Variants in RFTN1 observed in about 807,000 individuals in gnomAD.
The protein encoded by RFTN1 is raftlin.
RFTN1 carries 26 observed loss-of-function variants against 46.5 expected under a neutral mutation model. That is an observed-to-expected ratio of 0.56 (90% confidence interval 0.41 to 0.78). The LOEUF (loss-of-function observed/expected upper bound fraction) is 0.78. RFTN1 is among the 30% of genes least tolerant of loss of function. RFTN1 has a pLI of 0.00. For synonymous variants in RFTN1, 261 were observed against 284.2 expected, an observed-to-expected ratio of 0.92 and a Z score of 0.82; for missense variants, 693 against 718.7, an observed-to-expected ratio of 0.96 and a Z score of 0.41.
intron 1 of RFTN1, among the ~76,000 whole-genome samples, chr3:16,497,362 A>G (rs531732119): frequency 6.6e-6 from 1 of 152,362 alleles, no homozygotes; most frequent in African/African-American, 2.4e-5. Flanking sequence ...AGCAATATTT[A>G]CAGTAGGCAT....
intron 1 of RFTN1, among the ~76,000 whole-genome samples, chr3:16,497,406 C>T (rs1002492108): frequency 5.9e-5 from 9 of 152,226 alleles, no homozygotes; most frequent in African/African-American, 1.7e-4. Context: ...AATAAAGCCA[C>T]TGTGTATACA....
intron 7 of RFTN1, among the ~76,000 whole-genome samples, chr3:16,355,569 C>T (rs770405007): frequency 6.6e-6 from 1 of 152,254 alleles, no homozygotes; most frequent in Non-Finnish European, 1.5e-5. Flanking sequence ...TTTGCAGCCT[C>T]ATCACTCCTG....
intron 4 of RFTN1, among the ~76,000 whole-genome samples, chr3:16,398,550 G>A (rs1444361226): frequency 6.6e-6 from 1 of 152,148 alleles, no homozygotes; most frequent in African/African-American, 2.4e-5. Flanking sequence ...TCTACCTTGG[G>A]ACCCATCTCA....
At chr3:16,419,233 G>A (rs2075141670) in intron 3 of RFTN1, among the ~76,000 whole-genome samples, 1 of 152,152 alleles carries the variant, frequency 6.6e-6, no homozygotes, top group African/African-American at 2.4e-5. Flanking sequence ...CTGTTAGAAC[G>A]AGTCTGTGAC....
At chr3:16,431,551 T>C (rs982511270) in intron 3 of RFTN1, among the ~76,000 whole-genome samples, 2 of 151,466 alleles carry the variant, frequency 1.3e-5, no homozygotes, top group African/African-American at 4.9e-5. Context: ...TCAGGCCAAG[T>C]CCTGAGCTCA....
Position 16,385,131 on chromosome 3 carries a change from T to G in RFTN1, c.442-7029A>C, listed in dbSNP as rs1334719516. On this transcript the variant is annotated intron_variant, in intron 4 of 9. Coordinates refer to ENST00000334133, the MANE Select transcript of RFTN1 (RefSeq NM_015150.2). The surrounding 1 kb of genome is among the most constrained non-coding windows in gnomAD (Gnocchi z 5.0). ...GGGAGCCCACAGCAGAGGCATGCCC[T>G]AGGTGTCAAGAACAGGTACAAAAAT... Among the ~76,000 whole-genome samples the G allele has an allele frequency of 6.6e-6, 1 of 152,200 alleles. No individual in the cohort carries two copies. Among genetic ancestry groups the G allele is most frequent in the African/African-American group, 2.4e-5 (1 of 41,464 alleles).
chr3:16,396,989 G>A (rs1440620310), intron 4 of RFTN1, among the ~76,000 whole-genome samples: 2 of 151,776 alleles, frequency 1.3e-5, no homozygotes, highest in Non-Finnish European at 2.9e-5. Flanking sequence ...CTTGAACCTG[G>A]GAGGCAGAGG....
chr3:16,490,336 C>T (rs1415176135), intron 2 of RFTN1, among the ~76,000 whole-genome samples: 1 of 152,088 alleles, frequency 6.6e-6, no homozygotes, highest in Non-Finnish European at 1.5e-5. Flanking sequence ...TCCTAGCAAG[C>T]AGTAAGAGGT....
Position 16,503,143 on chromosome 3 carries a change from T to C in RFTN1, c.-8-9266A>G, listed in dbSNP as rs953949442. Among the ~76,000 whole-genome samples the C allele has an allele frequency of 2.0e-5, 3 of 152,292 alleles. No homozygotes were observed. In the South Asian group the frequency reaches 6.2e-4, roughly 32 times the overall value. ...ATCTCAGTCTGTCTCAGGAGGGGTC[T>C]GAACCTGAGTCCATCTCTGCTCTGC... On this transcript the variant is annotated intron_variant, in intron 1 of 9. Coordinates refer to ENST00000334133, the MANE Select transcript of RFTN1 (RefSeq NM_015150.2).
intron 3 of RFTN1, among the ~76,000 whole-genome samples, chr3:16,432,684 A>AG (rs1000185404): frequency 3.9e-5 from 6 of 152,018 alleles, no homozygotes; most frequent in African/African-American, 1.4e-4. Context: ...AGAAAAAAAA[A>AG]AGAGAGAGAG....
At position 16,410,312 on chromosome 3, in the gene RFTN1, C is replaced by A. The variant is rs2074959391; in HGVS notation, c.333-829G>T. On this transcript the variant is annotated intron_variant, in intron 3 of 9. Transcript: ENST00000334133. This position sits in a 1 kb window ranked among gnomAD's most constrained non-coding sequence, Gnocchi z 4.6. ...CCATTGGTTTATATCCGCCAGGGCA[C>A]AGAAAAAGAACAAGCAAGACATACA... 6.6e-6 allele frequency among the ~76,000 whole-genome samples: 1 copy of A among 151,270 alleles called. No homozygotes were observed. Among genetic ancestry groups the A allele is most frequent in the Non-Finnish European group, 1.5e-5 (1 of 67,914 alleles).
rs2075945428 is a variant in RFTN1 at position 16,458,149 on chromosome 3, A to G, written c.146-24112T>C. Reference sequence around the variant, plus strand: ...ACCCAGTCTTGGGTATTTCGTTTCAACAACACAAAATAGACTAAGACAGAC... The same window carrying G: ...ACCCAGTCTTGGGTATTTCGTTTCAGCAACACAAAATAGACTAAGACAGAC... On this transcript the variant is annotated intron_variant, in intron 2 of 9. Transcript: ENST00000334133. This position sits in a 1 kb window ranked among gnomAD's most constrained non-coding sequence, Gnocchi z 5.1. Among the ~76,000 whole-genome samples, 1 of 152,206 alleles carries G rather than the reference A, an allele frequency of 6.6e-6. No homozygotes were observed. The highest frequency in any genetic ancestry group is 2.1e-4 in the South Asian group (1 of 4,824).
intron 2 of RFTN1, among the ~76,000 whole-genome samples, chr3:16,485,897 A>C (rs1158163118): frequency 2.0e-5 from 3 of 152,230 alleles, no homozygotes; most frequent in Non-Finnish European, 4.4e-5. Context: ...GAAACACTGG[A>C]TTCTGGGCCC....
Position 16,437,775 on chromosome 3 carries a change from T to A in RFTN1, c.146-3738A>T, listed in dbSNP as rs556334481. ...GTCTTTATTTATTATAAATGTTGCC[T>A]CACTCCCCTCACCCTAATCCTGGCC... On this transcript the variant is annotated intron_variant, in intron 2 of 9. Transcript: ENST00000334133. Among the ~76,000 whole-genome samples the A allele has an allele frequency of 5.3e-5, 8 of 152,284 alleles. No individual in the cohort carries two copies. In the South Asian group the frequency reaches 1.7e-3, roughly 32 times the overall value.
At chr3:16,368,803 A>G (rs907816560) in intron 6 of RFTN1, among the ~76,000 whole-genome samples, 6 of 152,270 alleles carry the variant, frequency 3.9e-5, no homozygotes, top group African/African-American at 7.2e-5. Context: ...TTAAAATTCA[A>G]TTATTCAGAT....
At chr3:16,431,352 C>T (rs759407737) in intron 3 of RFTN1, among the ~76,000 whole-genome samples, 5 of 152,200 alleles carry the variant, frequency 3.3e-5, no homozygotes, top group Non-Finnish European at 7.4e-5. Flanking sequence ...CACGGACCAT[C>T]AGCATCTGCC....
At chr3:16,462,751 A>C (rs2076027194) in intron 2 of RFTN1, among the ~76,000 whole-genome samples, 1 of 152,242 alleles carries the variant, frequency 6.6e-6, no homozygotes, top group Non-Finnish European at 1.5e-5. Context: ...ATGTGTGGTA[A>C]TTTGTCATAG....
At chr3:16,388,063 C>T (rs577112003) in intron 4 of RFTN1, among the ~76,000 whole-genome samples, 1 of 152,324 alleles carries the variant, frequency 6.6e-6, no homozygotes, top group East Asian at 1.9e-4. Context: ...CAACCCTTGC[C>T]CTGCCCCTGA....
Position 16,370,215 on chromosome 3 carries a change from AG to A in RFTN1, c.890del (p.Pro297LeufsTer15). ...TGGAGACATGGAGAGGAATGGTGAC[AG>A]GGTAGTATTGCCGGCACTTCTGATG... is the stretch of plus-strand genomic sequence containing the variant. ...KSHQKCRQYY[P>X]VTIPLHVSKN... is the part of the protein sequence containing the mutation. On this transcript the variant is annotated frameshift_variant, in exon 6 of 10. Coordinates refer to ENST00000334133, the MANE Select transcript of RFTN1 (RefSeq NM_015150.2). LOFTEE classifies it high-confidence loss of function. This position sits in a 1 kb window ranked among gnomAD's most constrained non-coding sequence, Gnocchi z 5.5. 1 of 1,614,238 alleles carries A rather than the reference AG, an allele frequency of 6.2e-7. No individual in the cohort carries two copies. The highest frequency in any genetic ancestry group is 1.1e-5 in the South Asian group (1 of 91,084).
Sources: gnomAD v4.1 joint callset for allele counts (sites outside exome capture counted in the v4.1 genomes callset) on GRCh38, gnomAD v4.1.1 for gene constraint, Gnocchi (gnomAD v3.1) non-coding constraint, MANE v1.5 for transcripts, NCBI Gene and HGNC (gene_info 2026-07-23, HGNC 2026-07-21) for gene names.